The following MED12L variants were observed in gnomAD, a reference collection of about 807,000 sequenced individuals.
The protein encoded by MED12L is mediator of RNA polymerase II transcription subunit 12-like protein.
Under a neutral mutation model 281.3 loss-of-function variants are expected in MED12L, and 60 were observed. The observed-to-expected ratio is 0.21, with a 90% confidence interval of 0.17 to 0.26. MED12L has a LOEUF of 0.26. Among genes scored for constraint, MED12L ranks in the 10% least tolerant of loss-of-function variants. The pLI, the probability that MED12L is intolerant of heterozygous loss-of-function variation, is 1.00. For missense variants in MED12L, 2,146 were observed against 2,680.9 expected, an observed-to-expected ratio of 0.80 and a Z score of 4.41; for synonymous variants, 974 against 987.2, an observed-to-expected ratio of 0.99 and a Z score of 0.25.
chr3:151,329,464 C>T (rs112766831), intron 16 of MED12L: 15,659 of 1,518,288 alleles, frequency 0.01, 122 homozygotes, highest in South Asian at 0.022. Context: ...CTCATAATAA[C>T]AAAAATTGAA....
rs981633688 is a variant in MED12L, at chr3:151,210,385, C to T, written c.2250+16719C>T. ...GAAGACGGAGGCTGAAGATGACCAACGAATGAGCACTAGTGATGACAACAT... is the reference window on the plus strand; with the variant it reads ...GAAGACGGAGGCTGAAGATGACCAATGAATGAGCACTAGTGATGACAACAT... On this transcript the variant is annotated intron_variant, in intron 16 of 44. Coordinates refer to ENST00000687756, the MANE Select transcript of MED12L (RefSeq NM_001393769.1). Among the ~76,000 whole-genome samples, 6 of 152,202 alleles carry T rather than the reference C, an allele frequency of 3.9e-5. No individual in the cohort carries two copies. The South Asian group carries it at 6.2e-4, about 16-fold the overall frequency.
At chr3:151,316,839 G>C (rs767356727) in intron 16 of MED12L, 2 of 152,188 alleles carry the variant, frequency 1.3e-5, no homozygotes, top group Non-Finnish European at 2.9e-5. Flanking sequence ...TTGCTCTCTT[G>C]CTAATGTAAA....
intron 16 of MED12L, among the ~76,000 whole-genome samples, chr3:151,318,135 A>ATT (rs750362515): frequency 1.4e-5 from 2 of 145,224 alleles, no homozygotes; most frequent in Non-Finnish European, 1.5e-5. Flanking sequence ...TACAATTTTA[A>ATT]TTTTTTTTTT....
chr3:151,275,249 C>A (rs113739348), intron 16 of MED12L, among the ~76,000 whole-genome samples: 1 of 152,064 alleles, frequency 6.6e-6, no homozygotes, highest in Non-Finnish European at 1.5e-5. Context: ...GTACAGATCG[C>A]TTTGGGCCAA....
intron 16 of MED12L, among the ~76,000 whole-genome samples, chr3:151,235,267 TG>T (rs887722558): frequency 9.2e-5 from 14 of 152,220 alleles, no homozygotes; most frequent in African/African-American, 2.4e-4. Flanking sequence ...GAAAGATTTC[TG>T]GACCTTTGTA....
chr3:151,213,211 T>G, intron 16 of MED12L: 1 of 988,632 alleles, frequency 1.0e-6, no homozygotes, highest in Non-Finnish European at 1.5e-6. Flanking sequence ...ATGATATTTA[T>G]GATGAGGGCA....
At chr3:151,299,574 G>A (rs1745625073) in intron 16 of MED12L, among the ~76,000 whole-genome samples, 1 of 151,290 alleles carries the variant, frequency 6.6e-6, no homozygotes. Flanking sequence ...TGTCTGCTGG[G>A]TTCAAGCGAT....
Position 151,307,316 on chromosome 3 carries a change from T to A in MED12L, c.2251-42743T>A, listed in dbSNP as rs80275683. Reference sequence around the variant, plus strand: ...TACCTCTTATTGTAATGGAATTAGGTCACTGTATTCATAGCACATTTCATT... The same window carrying A: ...TACCTCTTATTGTAATGGAATTAGGACACTGTATTCATAGCACATTTCATT... On this transcript the variant is annotated intron_variant, in intron 16 of 44. Coordinates refer to ENST00000687756, the MANE Select transcript of MED12L (RefSeq NM_001393769.1). Among the ~76,000 whole-genome samples, 138 of 152,286 alleles carry A rather than the reference T, an allele frequency of 9.1e-4. 2 individuals carry two copies. The East Asian group carries it at 0.011, about 13-fold the overall frequency.
At chr3:151,382,139 C>T (rs976732769) in intron 32 of MED12L, among the ~76,000 whole-genome samples, 2 of 152,158 alleles carry the variant, frequency 1.3e-5, no homozygotes, top group African/African-American at 4.8e-5. Flanking sequence ...GATAAAGCCA[C>T]TTGGCTGATG....
At chr3:151,257,531 T>C (rs1293847699) in intron 16 of MED12L, among the ~76,000 whole-genome samples, 8 of 152,248 alleles carry the variant, frequency 5.3e-5, no homozygotes, top group Non-Finnish European at 1.0e-4. Flanking sequence ...CAAAAGTGAT[T>C]ATAATATCTA....
At chr3:151,325,382 A>C (rs1459927661) in intron 16 of MED12L, among the ~76,000 whole-genome samples, 1 of 152,188 alleles carries the variant, frequency 6.6e-6, no homozygotes, top group Admixed American at 6.5e-5. Flanking sequence ...AAGCCTTTGT[A>C]TTCTGAGCTC....
At chr3:151,202,110 C>T (rs1171300624) in intron 16 of MED12L, among the ~76,000 whole-genome samples, 2 of 152,186 alleles carry the variant, frequency 1.3e-5, no homozygotes, top group Non-Finnish European at 2.9e-5. Flanking sequence ...ACATTTCTCA[C>T]ATTTGTGTTT....
chr3:151,350,112 C>T lies in MED12L; in HGVS notation c.2304C>T (p.Val768=), dbSNP rs1414124790. 21 of 1,612,890 alleles carry T rather than the reference C, an allele frequency of 1.3e-5. No homozygotes were observed. Among genetic ancestry groups the T allele is most frequent in the South Asian group, 4.4e-5 (4 of 90,960 alleles). Residue 768 remains valine, a synonymous_variant, in exon 17 of 45, where the codon GTC becomes GTT. Coordinates refer to ENST00000687756, the MANE Select transcript of MED12L (RefSeq NM_001393769.1). ...AGCGCACAATCCTTCTCTATGGAGT[C>T]GGCAAAGAGCGTGATGAAGCAAGGC... is the stretch of plus-strand genomic sequence containing the variant. ...CNQRTILLYG[V]GKERDEARHQ...
intron 43 of MED12L, among the ~76,000 whole-genome samples, chr3:151,427,030 C>G (rs1028182955): frequency 2.0e-5 from 3 of 152,076 alleles, no homozygotes; most frequent in Admixed American, 1.3e-4. Context: ...GTTGCCCAGG[C>G]TGGTCTTGAA....
chr3:151,126,424 GTGAAATAGTT>G (rs1714532854), intron 4 of MED12L, among the ~76,000 whole-genome samples: 1 of 152,150 alleles, frequency 6.6e-6, no homozygotes, highest in South Asian at 2.1e-4. Flanking sequence ...GCAAGACCAG[GTGAAATAGTT>G]TGCTTGTTTT....
At chr3:151,250,436 A>G (rs976656034) in intron 16 of MED12L, among the ~76,000 whole-genome samples, 5 of 152,092 alleles carry the variant, frequency 3.3e-5, no homozygotes, top group African/African-American at 9.7e-5. Context: ...ATAATTCTCC[A>G]TTTATCCTTG....
intron 16 of MED12L, chr3:151,293,965 CATTAACCCT>C: frequency 3.1e-6 from 1 of 324,888 alleles, no homozygotes; most frequent in South Asian, 5.6e-5. Context: ...GACTTCCAGC[CATTAACCCT>C]GCCATTCACC....
At chr3:151,289,567 GTA>G (rs1012634769) in intron 16 of MED12L, among the ~76,000 whole-genome samples, 104 of 152,292 alleles carry the variant, frequency 6.8e-4, no homozygotes, top group African/African-American at 2.4e-3. Flanking sequence ...CTTAAGCATT[GTA>G]TATAGCTTTT....
In MED12L at chr3:151,213,707, C is replaced by T. The variant is rs138908546; in HGVS notation, c.2250+20041C>T. 20 of 1,613,988 alleles carry T rather than the reference C, an allele frequency of 1.2e-5. No individual in the cohort carries two copies. Among genetic ancestry groups the T allele is most frequent in the Non-Finnish European group, 1.4e-5 (17 of 1,180,016 alleles). On this transcript the variant is annotated intron_variant, in intron 16 of 44. Coordinates refer to ENST00000687756, the MANE Select transcript of MED12L (RefSeq NM_001393769.1). ...TTCTTTGTGATAGCAGTATAGAAAA[C>T]GATTAACAAAAGAAACACAATCCAG...
Sources: gnomAD v4.1 joint callset for allele counts (sites outside exome capture counted in the v4.1 genomes callset) on GRCh38, gnomAD v4.1.1 for gene constraint, MANE v1.5 for transcripts, NCBI Gene and HGNC (gene_info 2026-07-23, HGNC 2026-07-21) for gene names.